ANKRD31: variants seen among roughly 807,000 people sequenced by gnomAD.
The protein encoded by ANKRD31 is ankyrin repeat domain-containing protein 31.
In ANKRD31, 147 loss-of-function variants were observed where a neutral mutation model predicts 186.0. The observed-to-expected ratio is 0.79, with a 90% confidence interval of 0.69 to 0.91. ANKRD31 has a LOEUF of 0.91. ANKRD31 is among the 40% of genes least tolerant of loss of function. The pLI is 0.00. For synonymous variants in ANKRD31, 673 were observed against 736.4 expected (o/e 0.91, Z 1.39); for missense variants, 1,986 against 2,148.8 (o/e 0.92, Z 1.50).
chr5:75,071,291 T>A (rs1315252187), intron 25 of ANKRD31, among the ~76,000 whole-genome samples: 2 of 148,008 alleles, frequency 1.4e-5, no homozygotes, highest in Non-Finnish European at 3.0e-5. Context: ...ATATTTAATA[T>A]TTTAATAATA....
In ANKRD31 at chr5:75,195,835, T is replaced by C. The variant is rs906032066; in HGVS notation, c.813A>G (p.Ala271=). 5.5e-5 allele frequency: 84 copies of C among 1,537,172 alleles called. No homozygotes were observed. The highest frequency in any genetic ancestry group is 7.2e-5 in the Non-Finnish European group (83 of 1,146,848). The change falls in exon 7 of 26, where the codon GCA becomes GCG. Residue 271 remains alanine, a synonymous_variant. Coordinates refer to ENST00000506364, the MANE Select transcript of ANKRD31 (RefSeq NM_001372053.1). The part of the protein sequence containing the change: ...SISIPLNSWS[A]CHRDLLEDAK... ...CATCTTCTAGTAAATCTCTATGACA[T>C]GCCGACCAGGAATTCAAAGGTATTG...
intron 11 of ANKRD31, among the ~76,000 whole-genome samples, chr5:75,157,955 A>G (rs539724699): frequency 1.4e-4 from 21 of 152,346 alleles, no homozygotes; most frequent in Non-Finnish European, 2.6e-4. Flanking sequence ...CAATGAGTGA[A>G]GAGTAACAGA....
intron 10 of ANKRD31, among the ~76,000 whole-genome samples, chr5:75,183,179 G>T (rs1206820869): frequency 6.6e-6 from 1 of 152,164 alleles, no homozygotes; most frequent in Admixed American, 6.5e-5. Flanking sequence ...TTCAAAAGAT[G>T]CAGAAAAAGC....
intron 10 of ANKRD31, among the ~76,000 whole-genome samples, chr5:75,185,555 T>TCACA (rs779928840): frequency 6.6e-6 from 1 of 151,348 alleles, no homozygotes; most frequent in Non-Finnish European, 1.5e-5. Flanking sequence ...AGATTCCATC[T>TCACA]CACACACACA....
At chr5:75,105,469 CAGTA>C (rs1333967920) in intron 21 of ANKRD31, among the ~76,000 whole-genome samples, 4 of 151,902 alleles carry the variant, frequency 2.6e-5, no homozygotes, top group Admixed American at 2.0e-4. Context: ...AAGGAGGTGA[CAGTA>C]AGGTTATCAA....
rs533244173 is a variant in ANKRD31, at chr5:75,183,812, T to A, written c.1564+4681A>T. Among the ~76,000 whole-genome samples the A allele has an allele frequency of 2.0e-5, 3 of 152,240 alleles. No individual in the cohort carries two copies. In the South Asian group the frequency reaches 6.2e-4, roughly 32 times the overall value. On this transcript the variant is annotated intron_variant, in intron 10 of 25. Coordinates refer to ENST00000506364, the MANE Select transcript of ANKRD31 (RefSeq NM_001372053.1). ...CATGTTCATGGATTGGAATAATTAA[T>A]TCTGTCACAATAATCTACAGATTCA...
chr5:75,231,539 C>T (rs1284620712), intron 1 of ANKRD31, among the ~76,000 whole-genome samples: 6 of 151,996 alleles, frequency 3.9e-5, no homozygotes, highest in Non-Finnish European at 7.4e-5. Context: ...TGCTATTAGG[C>T]AAACTAAAAT....
Position 75,196,077 on chromosome 5 carries a change from G to A in ANKRD31, c.571C>T (p.Pro191Ser). 3 of 1,536,812 alleles carry A rather than the reference G, an allele frequency of 2.0e-6. No homozygotes were observed. Among genetic ancestry groups the A allele is most frequent in the Non-Finnish European group, 2.6e-6 (3 of 1,146,700 alleles). Reference protein sequence around the residue: ...LVEPEKILAAPNTFFEPRKEV... With the variant: ...LVEPEKILAASNTFFEPRKEV... Reference sequence around the variant, plus strand: ...TTTCTAGGCTCAAAAAATGTATTTGGTGCTGCTAAAATCTTCTCTGGCTCT... The same window carrying A: ...TTTCTAGGCTCAAAAAATGTATTTGATGCTGCTAAAATCTTCTCTGGCTCT... Residue 191 changes from proline to serine, a missense_variant, in exon 7 of 26, where the codon CCA becomes TCA. By Grantham distance (74) the Pro-to-Ser change is moderately conservative (BLOSUM62 -1). Transcript: ENST00000506364.
intron 5 of ANKRD31, among the ~76,000 whole-genome samples, chr5:75,204,909 T>C (rs183677256): frequency 1.3e-4 from 20 of 152,352 alleles, no homozygotes; most frequent in African/African-American, 4.8e-4. Context: ...TTTTTTGAGA[T>C]AGGGTCTCAC....
chr5:75,119,450 T>C (rs964388099), intron 17 of ANKRD31, among the ~76,000 whole-genome samples: 4 of 152,242 alleles, frequency 2.6e-5, no homozygotes, highest in South Asian at 2.1e-4. Context: ...TATGGCTGCA[T>C]AGTATTCCAT....
chr5:75,169,298 G>T (rs1195558322), intron 10 of ANKRD31, 177 bp from the exon 11 acceptor site: 1 of 719,866 alleles, frequency 1.4e-6, no homozygotes, highest in Non-Finnish European at 2.2e-6. Flanking sequence ...CAATAAACCT[G>T]AAGGACAAAT....
chr5:75,145,815 C>T (rs906721616), intron 14 of ANKRD31, among the ~76,000 whole-genome samples, 172 bp downstream of exon 14: 24 of 152,038 alleles, frequency 1.6e-4, no homozygotes, highest in African/African-American at 5.3e-4. Flanking sequence ...TTTTGACTTT[C>T]GAAGTAATCA....
At chr5:75,193,703 G>A in intron 7 of ANKRD31, 112 bp from the exon 8 acceptor site, 1 of 923,578 alleles carries the variant, frequency 1.1e-6, no homozygotes, top group Non-Finnish European at 1.6e-6. Context: ...CCTATTATAG[G>A]ATCCAAGTAC....
At chr5:75,157,606 T>A (rs1752273455) in intron 11 of ANKRD31, among the ~76,000 whole-genome samples, 1 of 152,190 alleles carries the variant, frequency 6.6e-6, no homozygotes, top group Non-Finnish European at 1.5e-5. Flanking sequence ...AGAGTAGGAA[T>A]GTGACTCATG....
intron 3 of ANKRD31, among the ~76,000 whole-genome samples, chr5:75,218,639 C>CA (rs1014958337): frequency 3.3e-5 from 5 of 151,456 alleles, no homozygotes; most frequent in South Asian, 2.1e-4. Context: ...AGAGTCACAA[C>CA]AAAAAAAAGA....
At chr5:75,132,525 C>A (rs1316879684) in intron 17 of ANKRD31, among the ~76,000 whole-genome samples, 1 of 152,086 alleles carries the variant, frequency 6.6e-6, no homozygotes, top group Non-Finnish European at 1.5e-5. Flanking sequence ...TGTGAAAAGA[C>A]CAAATATACA....
intron 23 of ANKRD31, among the ~76,000 whole-genome samples, chr5:75,090,625 C>T (rs945977072): frequency 6.6e-6 from 1 of 152,168 alleles, no homozygotes; most frequent in Admixed American, 6.5e-5. Context: ...AAGACTGTCC[C>T]TGAAGTCTGC....
Position 75,146,705 on chromosome 5 carries a change from A to G in ANKRD31, c.2706T>C (p.Asp902=). The G allele has an allele frequency of 6.5e-7, 1 of 1,536,344 alleles. No individual in the cohort carries two copies. The highest frequency in any genetic ancestry group is 8.7e-7 in the Non-Finnish European group (1 of 1,146,306). ...TCTCAGAGGTAGAGCAATCATCATC[A>G]TCATCATTATCAGAATTTTCCTTTA... ...SFVKENSDND[D]DDDCSTSEKA... Residue 902 remains aspartate (D), a synonymous_variant, in exon 14 of 26, where the codon GAT becomes GAC. Coordinates refer to ENST00000506364, the MANE Select transcript of ANKRD31 (RefSeq NM_001372053.1).
At chr5:75,128,297 T>C (rs899441005) in intron 17 of ANKRD31, among the ~76,000 whole-genome samples, 1 of 144,796 alleles carries the variant, frequency 6.9e-6, no homozygotes, top group Non-Finnish European at 1.5e-5. Flanking sequence ...TTAGGAGAAA[T>C]ACCTAATGTA....
Sources: gnomAD v4.1 joint callset for allele counts (sites outside exome capture counted in the v4.1 genomes callset) on GRCh38, gnomAD v4.1.1 for gene constraint, MANE v1.5 for transcripts, NCBI Gene and HGNC (gene_info 2026-07-23, HGNC 2026-07-21) for gene names.